The following CREB5 variants were observed in gnomAD, a reference collection of about 807,000 sequenced individuals.
The protein encoded by CREB5 is cAMP responsive element binding protein 5.
A neutral mutation model predicts 57.1 loss-of-function variants in CREB5; 19 were observed. The ratio of observed to expected loss-of-function variants is 0.33; its 90% CI spans 0.23 to 0.49. The LOEUF (loss-of-function observed/expected upper bound fraction) is 0.49. Among genes scored for constraint, CREB5 ranks in the 20% least tolerant of loss-of-function variants. The pLI is 0.99. For missense variants in CREB5, 579 were observed against 671.6 expected, an observed-to-expected ratio of 0.86 and a Z score of 1.52; for synonymous variants, 238 against 238.3, an observed-to-expected ratio of 1.00 and a Z score of 0.01.
intron 5 of CREB5, among the ~76,000 whole-genome samples, chr7:28,638,669 A>G (rs1798524370): frequency 6.6e-6 from 1 of 152,114 alleles, no homozygotes; most frequent in Admixed American, 6.6e-5. Context: ...TTGATCTTAA[A>G]CAAGAGAGAA....
chr7:28,388,695 T>A (rs573215333), intron 1 of CREB5, among the ~76,000 whole-genome samples: 1 of 152,294 alleles, frequency 6.6e-6, no homozygotes, highest in African/African-American at 2.4e-5. Context: ...ACAGCAATAG[T>A]AGAAAACCAA....
At chr7:28,633,235 C>A (rs924604823) in intron 5 of CREB5, among the ~76,000 whole-genome samples, 1 of 152,134 alleles carries the variant, frequency 6.6e-6, no homozygotes, top group Non-Finnish European at 1.5e-5. Context: ...ATAATATGTG[C>A]TTTTATCCAC....
rs111405837 is a variant in CREB5, at chr7:28,389,632, C to CT, written c.-25+90207dup. Among the ~76,000 whole-genome samples, 1,150 of 146,672 alleles carry CT rather than the reference C, an allele frequency of 7.8e-3. 7 individuals carry two copies. Among genetic ancestry groups the CT allele is most frequent in the African/African-American group, 0.023 (909 of 39,680 alleles). ...TATTGATATTGCCAACTATACTAAA[C>CT]TTTTTTTTTTTTTTTTAAAGGGTTC... On this transcript the variant is annotated intron_variant, in intron 1 of 9. Transcript: ENST00000396299.
rs1270769785 is a variant in CREB5 at position 28,560,975 on chromosome 7, T to TGCGCGCGC, written c.292-9389_292-9388insCGCGCGCG. Among the ~76,000 whole-genome samples the TGCGCGCGC allele has an allele frequency of 1.0e-3, 24 of 23,444 alleles. 4 individuals carry two copies. The highest frequency in any genetic ancestry group is 2.2e-3 in the African/African-American group (23 of 10,672). The allele number at this position is 23,444 out of a possible 152,430, so 15.4% of individuals were successfully genotyped here. ...GCGTGTGTGTGCGTGTGTGTGTGCGTGTGTGCGTGCGTGTGTGTGCCTGCG... is the reference window on the plus strand; with the variant it reads ...GCGTGTGTGTGCGTGTGTGTGTGCGTGCGCGCGCGTGTGCGTGCGTGTGTGTGCCTGCG... On this transcript the variant is annotated intron_variant, in intron 4 of 10. Transcript: ENST00000357727.
intron 7 of CREB5, among the ~76,000 whole-genome samples, chr7:28,762,438 G>C (rs562820471): frequency 1.3e-5 from 2 of 152,254 alleles, no homozygotes; most frequent in African/African-American, 4.8e-5. Context: ...TGCTGCTAAT[G>C]TTGACAAGGA....
intron 1 of CREB5, among the ~76,000 whole-genome samples, chr7:28,362,972 T>C (rs1419727569): frequency 6.6e-6 from 1 of 152,138 alleles, no homozygotes; most frequent in Non-Finnish European, 1.5e-5. Context: ...GGCTATGTTA[T>C]GGGGAAGGAT....
chr7:28,555,438 A>T (rs1425086825), intron 4 of CREB5, among the ~76,000 whole-genome samples: 1 of 152,244 alleles, frequency 6.6e-6, no homozygotes, highest in African/African-American at 2.4e-5. Flanking sequence ...ATAAACCTTT[A>T]AAAAGGCGTT....
intron 1 of CREB5, among the ~76,000 whole-genome samples, chr7:28,431,754 G>A (rs1267647099): frequency 6.6e-6 from 1 of 152,096 alleles, no homozygotes; most frequent in Non-Finnish European, 1.5e-5. Flanking sequence ...GAAAATTTTA[G>A]GTACAGAGGC....
intron 4 of CREB5, among the ~76,000 whole-genome samples, chr7:28,534,172 T>G (rs893877223): frequency 6.6e-6 from 1 of 152,224 alleles, no homozygotes; most frequent in African/African-American, 2.4e-5. Flanking sequence ...TATTATTGTC[T>G]CCCTGTGCAA....
rs377551541 is a variant in CREB5 at position 28,392,057 on chromosome 7, G to A, written c.-25+92616G>A. 4.6e-5 allele frequency among the ~76,000 whole-genome samples: 7 copies of A among 152,174 alleles called. No homozygotes were observed. The East Asian group carries it at 1.2e-3, about 25-fold the overall frequency. On this transcript the variant is annotated intron_variant, in intron 1 of 9. Transcript: ENST00000396299. ...AAATACCGCATGTTCTCACTTGTAA[G>A]TGGAAGCTAAATGGTGAGAACACAT... is the stretch of plus-strand genomic sequence containing the variant.
intron 1 of CREB5, among the ~76,000 whole-genome samples, chr7:28,377,851 G>A (rs1786868323): frequency 7.3e-6 from 1 of 136,924 alleles, no homozygotes; most frequent in Non-Finnish European, 1.5e-5. Context: ...AGAAAGGCGT[G>A]AACCCGAGAG....
intron 7 of CREB5, among the ~76,000 whole-genome samples, chr7:28,743,268 C>T (rs764691760): frequency 2.6e-5 from 4 of 152,198 alleles, no homozygotes; most frequent in Non-Finnish European, 4.4e-5. Context: ...TGCAGTGGCT[C>T]ACGCCTGTAA....
At chr7:28,475,071 G>A (rs1791000534) in intron 1 of CREB5, among the ~76,000 whole-genome samples, 1 of 152,044 alleles carries the variant, frequency 6.6e-6, no homozygotes, top group Admixed American at 6.6e-5. Context: ...AGATTTTAGG[G>A]ACAGAGGTAT....
intron 4 of CREB5, among the ~76,000 whole-genome samples, chr7:28,569,995 T>C (rs1290889882): frequency 6.6e-6 from 1 of 152,150 alleles, no homozygotes; most frequent in Non-Finnish European, 1.5e-5. Flanking sequence ...GGATGCAGAG[T>C]GACTATTCAC....
intron 5 of CREB5, among the ~76,000 whole-genome samples, chr7:28,577,594 C>T (rs768369367): frequency 1.1e-4 from 17 of 152,184 alleles, no homozygotes; most frequent in African/African-American, 1.4e-4. Context: ...GATTAAGTGA[C>T]TTGCCCCAGG....
chr7:28,504,289 G>A (rs776026260), intron 3 of CREB5, among the ~76,000 whole-genome samples: 2 of 152,164 alleles, frequency 1.3e-5, no homozygotes, highest in Non-Finnish European at 2.9e-5. Context: ...AATCTCCATG[G>A]CCATAAATTA....
intron 7 of CREB5, among the ~76,000 whole-genome samples, chr7:28,743,215 G>C (rs1325097138): frequency 6.6e-6 from 1 of 152,194 alleles, no homozygotes; most frequent in African/African-American, 2.4e-5. Context: ...ACCCAGGGAA[G>C]TGGACATTAG....
chr7:28,640,548 T>A (rs1435174187), intron 5 of CREB5, among the ~76,000 whole-genome samples: 2 of 152,124 alleles, frequency 1.3e-5, no homozygotes. Flanking sequence ...TTAAGAAAAA[T>A]TACATAGAAA....
At chr7:28,567,022 C>G (rs972498969) in intron 4 of CREB5, among the ~76,000 whole-genome samples, 3 of 152,150 alleles carry the variant, frequency 2.0e-5, no homozygotes, top group Non-Finnish European at 4.4e-5. Context: ...ATGCTTTACT[C>G]TGAAGAAATT....
Sources: gnomAD v4.1 joint callset for allele counts (sites outside exome capture counted in the v4.1 genomes callset) on GRCh38, gnomAD v4.1.1 for gene constraint, MANE v1.5 for transcripts, NCBI Gene and HGNC (gene_info 2026-07-23, HGNC 2026-07-21) for gene names.